ARMH4: variants seen among roughly 807,000 people sequenced by gnomAD.
ARMH4 encodes armadillo like helical domain containing 4, also known as armadillo-like helical domain-containing protein 4.
ARMH4 carries 49 observed loss-of-function variants against 61.9 expected under a neutral mutation model. The observed-to-expected ratio is 0.79, with a 90% CI of 0.63 to 1.00. The LOEUF (loss-of-function observed/expected upper bound fraction) is 1.00. Ranked by LOEUF, ARMH4 falls within the 50% of genes least tolerant of loss-of-function variation. ARMH4 has a pLI of 0.00. For synonymous variants in ARMH4, 368 were observed against 341.5 expected (o/e 1.08, Z -0.85); for missense variants, 934 against 930.0 (o/e 1.00, Z -0.06).
chr14:58,080,279 G>A (rs1404408547), intron 5 of ARMH4, among the ~76,000 whole-genome samples: 5 of 151,974 alleles, frequency 3.3e-5, no homozygotes, highest in South Asian at 2.1e-4. Flanking sequence ...ACAGGCATGC[G>A]CCACCACACC....
At chr14:58,132,945 T>G in intron 3 of ARMH4, 145 bp downstream of exon 3, 1 of 871,216 alleles carries the variant, frequency 1.1e-6, no homozygotes, top group East Asian at 2.5e-5. Context: ...TCACACCCCT[T>G]TCCAGGTAAA....
chr14:58,044,980 G>A (rs1272007577), intron 5 of ARMH4, among the ~76,000 whole-genome samples: 4 of 152,222 alleles, frequency 2.6e-5, no homozygotes, highest in African/African-American at 9.6e-5. Context: ...TGGAGAGGAT[G>A]TGGAGAAATA....
intron 5 of ARMH4, among the ~76,000 whole-genome samples, chr14:58,029,715 T>C (rs1883158128): frequency 6.6e-6 from 1 of 152,152 alleles, no homozygotes; most frequent in Non-Finnish European, 1.5e-5. Context: ...CAAGTGTTAG[T>C]GAGGATGTAG....
chr14:58,049,194 G>C (rs1036879899), intron 5 of ARMH4, among the ~76,000 whole-genome samples: 2 of 147,922 alleles, frequency 1.4e-5, no homozygotes, highest in African/African-American at 5.0e-5. Flanking sequence ...AGCCGAGATG[G>C]CACCACTGCA....
chr14:58,135,945 G>A lies in ARMH4; in HGVS notation c.1369+2045C>T, dbSNP rs570942595. On this transcript the variant is annotated intron_variant, in intron 2 of 7. Coordinates refer to ENST00000267485, the MANE Select transcript of ARMH4 (RefSeq NM_001001872.4). Reference sequence around the variant, plus strand: ...TTTCCCATTCCTTTTAACTCTATGGGACAAAAAAAAAAGTAAAACAAAAGT... The same window carrying A: ...TTTCCCATTCCTTTTAACTCTATGGAACAAAAAAAAAAGTAAAACAAAAGT... Among the ~76,000 whole-genome samples, 11 of 150,818 alleles carry A rather than the reference G, an allele frequency of 7.3e-5. No individual in the cohort carries two copies. In the South Asian group the frequency reaches 2.1e-3, roughly 29 times the overall value.
chr14:58,138,834 C>G lies in ARMH4; in HGVS notation c.525G>C (p.Glu175Asp). The G allele has an allele frequency of 1.2e-6, 2 of 1,614,212 alleles. No individual in the cohort carries two copies. The highest frequency in any genetic ancestry group is 4.5e-5 in the East Asian group (2 of 44,882). Residue 175 changes from glutamate (E) to aspartate (D), a missense_variant, in exon 2 of 8, where the codon GAG becomes GAC. Physicochemically the swap from Glu to Asp is conservative, Grantham distance 45 (BLOSUM62 2). Coordinates refer to ENST00000267485, the MANE Select transcript of ARMH4 (RefSeq NM_001001872.4). ...GAAAACCTTTTGTGGTTTCTGTGATCTCTTCTACAATGGGCTGAAAGTTAG... is the reference window on the plus strand; with the variant it reads ...GAAAACCTTTTGTGGTTTCTGTGATGTCTTCTACAATGGGCTGAAAGTTAG... Reference protein sequence around the residue: ...TSTNFQPIVEEITETTKGFLK... With the variant: ...TSTNFQPIVEDITETTKGFLK...
At chr14:58,019,387 TATG>T (rs1253318096) in intron 5 of ARMH4, among the ~76,000 whole-genome samples, 1 of 152,222 alleles carries the variant, frequency 6.6e-6, no homozygotes, top group Admixed American at 6.6e-5. Flanking sequence ...GATAAATATA[TATG>T]ATTTTTATTT....
chr14:58,136,634 C>T (rs1309308007), intron 2 of ARMH4, among the ~76,000 whole-genome samples: 2 of 152,156 alleles, frequency 1.3e-5, no homozygotes, highest in Admixed American at 1.3e-4. Flanking sequence ...TTGATATTTT[C>T]TATTAATTGG....
At chr14:58,032,809 A>G (rs377068570) in intron 5 of ARMH4, among the ~76,000 whole-genome samples, 8 of 152,306 alleles carry the variant, frequency 5.3e-5, no homozygotes, top group Admixed American at 2.0e-4. Flanking sequence ...CTGGAAAATC[A>G]GGTCACTCCC....
intron 5 of ARMH4, among the ~76,000 whole-genome samples, chr14:58,072,696 T>C (rs2141229937): frequency 6.6e-6 from 1 of 152,018 alleles, no homozygotes; most frequent in African/African-American, 2.4e-5. Flanking sequence ...CATTCTAGCC[T>C]GCGCAACAGA....
rs112739261 is a variant in ARMH4, at chr14:58,029,397, C to G, written c.2090-17247G>C. Among the ~76,000 whole-genome samples, 30 of 152,262 alleles carry G rather than the reference C, an allele frequency of 2.0e-4. 1 individual carries two copies. Among genetic ancestry groups the G allele is most frequent in the African/African-American group, 7.2e-4 (30 of 41,540 alleles). On this transcript the variant is annotated intron_variant, in intron 5 of 7. Coordinates refer to ENST00000267485, the MANE Select transcript of ARMH4 (RefSeq NM_001001872.4). ...TACAGGCATGTGTCACCATGCCCAG[C>G]TAATTTTTGTATTTTTAGTAGAGAC...
intron 4 of ARMH4, among the ~76,000 whole-genome samples, chr14:58,125,588 C>A (rs577049154): frequency 6.6e-6 from 1 of 152,250 alleles, no homozygotes; most frequent in South Asian, 2.1e-4. Flanking sequence ...GTAAAACTAC[C>A]AATCGTTCTT....
chr14:58,068,996 ACT>A (rs1884793441), intron 5 of ARMH4, among the ~76,000 whole-genome samples: 1 of 132,532 alleles, frequency 7.5e-6, no homozygotes, highest in South Asian at 2.6e-4. Context: ...ACAGAGTGAG[ACT>A]CTGTCTCGAA....
chr14:58,109,602 A>T (rs11158198), intron 4 of ARMH4, among the ~76,000 whole-genome samples: 2 of 152,000 alleles, frequency 1.3e-5, no homozygotes, highest in Non-Finnish European at 2.9e-5. Context: ...TTTCTTCTTT[A>T]GGAGTACACT....
chr14:58,072,647 A>C (rs191999917), intron 5 of ARMH4, among the ~76,000 whole-genome samples: 66 of 151,928 alleles, frequency 4.3e-4, no homozygotes, highest in Non-Finnish European at 7.5e-4. Flanking sequence ...GCTTGAACCC[A>C]GGAGGCGGAG....
intron 4 of ARMH4, among the ~76,000 whole-genome samples, chr14:58,119,169 G>A (rs1197296577): frequency 1.3e-5 from 2 of 152,178 alleles, no homozygotes; most frequent in Non-Finnish European, 2.9e-5. Context: ...TTTAAATCTT[G>A]TAAGGTCATT....
chr14:58,067,062 C>T (rs569234238), intron 5 of ARMH4, among the ~76,000 whole-genome samples: 21 of 152,230 alleles, frequency 1.4e-4, no homozygotes, highest in East Asian at 3.9e-4. Flanking sequence ...GTTTCCTATG[C>T]GTAGAGGAAT....
At chr14:58,050,150 G>A (rs2141198596) in intron 5 of ARMH4, among the ~76,000 whole-genome samples, 1 of 152,312 alleles carries the variant, frequency 6.6e-6, no homozygotes, top group East Asian at 1.9e-4. Flanking sequence ...GGCTTCAAGT[G>A]AAGCATTTTC....
At position 58,005,126 on chromosome 14, in the gene ARMH4, C is replaced by A. The variant is rs1449605493; in HGVS notation, c.2178G>T (p.Leu726Phe). 6.2e-7 allele frequency: 1 copy of A among 1,614,006 alleles called. No individual in the cohort carries two copies. The highest frequency in any genetic ancestry group is 1.3e-5 in the African/African-American group (1 of 75,016). The change falls in exon 7 of 8, where the codon TTG becomes TTT. Residue 726 changes from leucine (L) to phenylalanine (F), a missense_variant. Transcript: ENST00000267485. ...TGCTGTAGAGGGCTCCCAAGATGAACAAGGCTCCAGCTATCCCAACCCCTA... is the reference window on the plus strand; with the variant it reads ...TGCTGTAGAGGGCTCCCAAGATGAAAAAGGCTCCAGCTATCCCAACCCCTA... ...VPVGVGIAGALFILGALYSIK... is the reference protein window; with the variant it reads ...VPVGVGIAGAFFILGALYSIK...
Sources: allele counts gnomAD v4.1 joint callset (sites outside exome capture counted in the v4.1 genomes callset), GRCh38; gene constraint gnomAD v4.1.1; transcripts MANE v1.5; gene names NCBI Gene and HGNC (gene_info 2026-07-23, HGNC 2026-07-21).